HNRNPD: variants seen among roughly 807,000 people sequenced by gnomAD.
The protein encoded by HNRNPD is heterogeneous nuclear ribonucleoprotein D.
A neutral mutation model predicts 47.9 loss-of-function variants in HNRNPD; 3 were observed. The observed-to-expected ratio is 0.06, with a 90% CI of 0.03 to 0.16. The LOEUF (loss-of-function observed/expected upper bound fraction) is 0.16. HNRNPD is among the 10% of genes least tolerant of loss of function. HNRNPD has a pLI of 1.00. For synonymous variants in HNRNPD, 171 were observed against 165.1 expected, an observed-to-expected ratio of 1.04 and a Z score of -0.28; for missense variants, 287 against 454.2, an observed-to-expected ratio of 0.63 and a Z score of 3.35.
chr4:82,372,187 G>A (rs1000020840), intron 1 of HNRNPD, among the ~76,000 whole-genome samples: 12 of 151,868 alleles, frequency 7.9e-5, no homozygotes, highest in African/African-American at 2.9e-4. Flanking sequence ...TTACAAAAAG[G>A]AATGGAAGCG....
chr4:82,366,268 G>C (rs1719749795), intron 2 of HNRNPD, among the ~76,000 whole-genome samples: 1 of 152,158 alleles, frequency 6.6e-6, no homozygotes, highest in African/African-American at 2.4e-5. Context: ...GAGGGGGACA[G>C]AGTCTCGCTT....
chr4:82,370,312 G>A lies in HNRNPD; in HGVS notation c.290+1216C>T, dbSNP rs147440502. On this transcript the variant is annotated intron_variant, in intron 2 of 8. Transcript: ENST00000313899. ...GTAGCAGGTCAAGTGTAATTACTTCGAAGAGTCAAAACACTGACCTTCAAA... is the reference window on the plus strand; with the variant it reads ...GTAGCAGGTCAAGTGTAATTACTTCAAAGAGTCAAAACACTGACCTTCAAA... Among the ~76,000 whole-genome samples the A allele has an allele frequency of 2.1e-4, 32 of 152,184 alleles. 1 individual carries two copies. In the South Asian group the frequency reaches 5.2e-3, roughly 25 times the overall value.
At chr4:82,363,030 A>ATGTGTG (rs753865029) in intron 2 of HNRNPD, among the ~76,000 whole-genome samples, 7 of 123,432 alleles carry the variant, frequency 5.7e-5, no homozygotes, top group Admixed American at 2.9e-4. Context: ...TTTTATATAT[A>ATGTGTG]TATGTGTGTG....
rs750401791 is a variant in HNRNPD at position 82,355,437 on chromosome 4, T to G, written c.1001-36A>C. ...ACAAGTGTTAGAACCAGAACGGTAG[T>G]GGTTACATACTAATAATCAGAACAG... is the stretch of plus-strand genomic sequence containing the variant. On this transcript the variant is annotated intron_variant, in intron 7 of 8. Coordinates refer to ENST00000313899, the MANE Select transcript of HNRNPD (RefSeq NM_031370.3). 2.1e-6 allele frequency: 3 copies of G among 1,442,584 alleles called. No individual in the cohort carries two copies. In the South Asian group the frequency reaches 3.4e-5, roughly 17 times the overall value. The allele number at this position is 1,442,584 out of a possible 1,614,324, so 89.4% of individuals were successfully genotyped here. A position where few individuals can be genotyped will look rare whatever the true frequency, so the allele number is the denominator to read the frequency against.
At chr4:82,367,781 T>TA (rs1719838585) in intron 2 of HNRNPD, among the ~76,000 whole-genome samples, 1 of 152,156 alleles carries the variant, frequency 6.6e-6, no homozygotes, top group African/African-American at 2.4e-5. Context: ...CTCCAGAAAC[T>TA]AAAACATGCT....
intron 2 of HNRNPD, among the ~76,000 whole-genome samples, chr4:82,369,541 C>G (rs189922411): frequency 4.7e-5 from 7 of 150,458 alleles, no homozygotes; most frequent in Non-Finnish European, 2.9e-5. Flanking sequence ...AGGAAATGCA[C>G]ACAGAACTGT....
At chr4:82,370,623 A>G (rs1300979576) in intron 2 of HNRNPD, among the ~76,000 whole-genome samples, 1 of 152,158 alleles carries the variant, frequency 6.6e-6, no homozygotes, top group Non-Finnish European at 1.5e-5. Flanking sequence ...ATGAGAATAC[A>G]GTGATAAGCA....
chr4:82,358,969 G>T (rs986712395), intron 3 of HNRNPD, 149 bp from the exon 4 acceptor site: 15 of 636,390 alleles, frequency 2.4e-5, no homozygotes, highest in Middle Eastern at 8.5e-4. Flanking sequence ...TGGTGGTGAT[G>T]TAACATCAAC....
intron 4 of HNRNPD, chr4:82,358,050 CTCAACTT>C (rs1560434003): frequency 6.6e-6 from 1 of 152,300 alleles, no homozygotes; most frequent in Non-Finnish European, 1.5e-5. Context: ...CCACAAATTT[CTCAACTT>C]TCATTAATTC....
At position 82,373,776 on chromosome 4, in the gene HNRNPD, C is replaced by T; in HGVS notation, c.-98G>A. On this transcript the variant is annotated 5_prime_UTR_variant, in exon 1 of 9. Coordinates refer to ENST00000313899, the MANE Select transcript of HNRNPD (RefSeq NM_031370.3). ...AATCCCCGCCGCTGCCGCGCGCCCG[C>T]TCTACCTCGCGAAGCACACAAGACA... 6.6e-7 allele frequency: 1 copy of T among 1,526,032 alleles called. No homozygotes were observed. Among genetic ancestry groups the T allele is most frequent in the Non-Finnish European group, 8.7e-7 (1 of 1,143,028 alleles). 94.5% of individuals were successfully genotyped at this position (1,526,032 alleles called of 1,614,324 possible). A position where few individuals can be genotyped will look rare whatever the true frequency, so the allele number is the denominator to read the frequency against.
chr4:82,352,539 A>T lies in HNRNPD; in HGVS notation c.*1646T>A, dbSNP rs185594240. On this transcript the variant is annotated 3_prime_UTR_variant, in exon 9 of 9. Transcript: ENST00000313899. The stretch of plus-strand genomic sequence containing the variant: ...TTTTATTGAGAGATTTACATAAAAT[A>T]AGCATATGATACCAAAAAGAACCCT... The T allele has an allele frequency of 1.4e-4, 21 of 152,330 alleles. No homozygotes were observed. The highest frequency in any genetic ancestry group is 6.8e-3 in the Middle Eastern group (2 of 294). 9.4% of individuals were successfully genotyped at this position (152,330 alleles called of 1,614,324 possible). A position where few individuals can be genotyped will look rare whatever the true frequency, so the allele number is the denominator to read the frequency against.
At chr4:82,358,602 G>T in intron 4 of HNRNPD, 57 bp downstream of exon 4, 1 of 1,481,240 alleles carries the variant, frequency 6.8e-7, no homozygotes, top group Non-Finnish European at 9.2e-7. Context: ...TCCATAATGG[G>T]ACAATCACAT....
intron 2 of HNRNPD, among the ~76,000 whole-genome samples, chr4:82,370,734 G>A (rs1056885778): frequency 6.6e-6 from 1 of 152,138 alleles, no homozygotes; most frequent in African/African-American, 2.4e-5. Context: ...CTCTCCAGTG[G>A]TGGTGTATAA....
chr4:82,371,142 T>C (rs932525641), intron 2 of HNRNPD, among the ~76,000 whole-genome samples: 1 of 152,256 alleles, frequency 6.6e-6, no homozygotes, highest in African/African-American at 2.4e-5. Flanking sequence ...TTAAACACAA[T>C]ATTTTATATC....
At chr4:82,370,462 G>A (rs1719983746) in intron 2 of HNRNPD, among the ~76,000 whole-genome samples, 1 of 152,142 alleles carries the variant, frequency 6.6e-6, no homozygotes, top group African/African-American at 2.4e-5. Context: ...CAGTGAAATT[G>A]AGCTGCTAGT....
At chr4:82,357,516 G>C in intron 4 of HNRNPD, 72 bp from the exon 5 acceptor site, 1 of 1,326,472 alleles carries the variant, frequency 7.5e-7, no homozygotes. Flanking sequence ...CAAGTTTAGA[G>C]GGGGGAAAAC....
intron 2 of HNRNPD, among the ~76,000 whole-genome samples, chr4:82,368,416 C>T (rs1411740323): frequency 6.6e-6 from 1 of 152,066 alleles, no homozygotes; most frequent in African/African-American, 2.4e-5. Flanking sequence ...GGAAAAAACC[C>T]CAGATTTAAG....
intron 1 of HNRNPD, among the ~76,000 whole-genome samples, 177 bp from the exon 2 acceptor site, chr4:82,371,761 T>C (rs1171424207): frequency 6.6e-6 from 1 of 152,240 alleles, no homozygotes; most frequent in Admixed American, 6.5e-5. Context: ...CAGGAAGTTA[T>C]ACAATTAATC....
intron 2 of HNRNPD, among the ~76,000 whole-genome samples, chr4:82,367,051 A>C (rs1416838320): frequency 6.7e-6 from 1 of 148,676 alleles, no homozygotes; most frequent in Non-Finnish European, 1.5e-5. Context: ...TTTTTTAAAG[A>C]AACAGGGGTC....
Sources: gnomAD v4.1 joint callset for allele counts (sites outside exome capture counted in the v4.1 genomes callset) on GRCh38, gnomAD v4.1.1 for gene constraint, MANE v1.5 for transcripts, NCBI Gene and HGNC (gene_info 2026-07-23, HGNC 2026-07-21) for gene names.